NCAPH: variants seen among roughly 807,000 people sequenced by gnomAD.
NCAPH encodes the protein non-SMC condensin I complex subunit H, also known as condensin complex subunit 2.
NCAPH carries 38 observed loss-of-function variants against 85.5 expected under a neutral mutation model. The observed-to-expected ratio is 0.44, with a 90% CI of 0.34 to 0.58. The LOEUF (loss-of-function observed/expected upper bound fraction) is 0.58, where lower values mean the gene tolerates loss of function less well. NCAPH is among the 20% of genes least tolerant of loss of function. The pLI is 0.01. For missense variants in NCAPH, 789 were observed against 916.6 expected, an observed-to-expected ratio of 0.86 and a Z score of 1.80; for synonymous variants, 301 against 335.1, an observed-to-expected ratio of 0.90 and a Z score of 1.11.
At position 96,341,762 on chromosome 2, in the gene NCAPH, C is replaced by T. The variant is rs774021673; in HGVS notation, c.140C>T (p.Pro47Leu). 2 of 1,614,206 alleles carry T rather than the reference C, an allele frequency of 1.2e-6. No individual in the cohort carries two copies. Among genetic ancestry groups the T allele is most frequent in the Non-Finnish European group, 1.7e-6 (2 of 1,180,036 alleles). ...CCCAGGAAGGCGCCTCTCAATATTC[C>T]TGGCACCCCAGTCCTCGAAGACTTT... is the stretch of plus-strand genomic sequence containing the variant. ...PLPRKAPLNI[P>L]GTPVLEDFPQ... The change falls in exon 2 of 18, where the codon CCT (proline) becomes CTT (leucine). Residue 47 changes from proline (P) to leucine (L), a missense_variant. Pro to Leu is a moderately conservative substitution (Grantham distance 98, BLOSUM62 -3). Transcript: ENST00000240423.
Position 96,354,912 on chromosome 2 carries a change from A to T in NCAPH, c.1208+524A>T, listed in dbSNP as rs191733701. ...TACCACGTGCATTTTGGTAGCAGAG[A>T]GCATGCTCCCTTTGTACACATTGCT... is the stretch of plus-strand genomic sequence containing the variant. On this transcript the variant is annotated intron_variant, in intron 9 of 17. Transcript: ENST00000240423. Among the ~76,000 whole-genome samples the T allele has an allele frequency of 7.2e-5, 11 of 152,272 alleles. No homozygotes were observed. The East Asian group carries it at 1.7e-3, about 24-fold the overall frequency.
Position 96,342,084 on chromosome 2 carries a change from A to G in NCAPH, c.307A>G (p.Thr103Ala), listed in dbSNP as rs546617667. The G allele has an allele frequency of 1.2e-5, 19 of 1,613,176 alleles. No individual in the cohort carries two copies. In the South Asian group the frequency reaches 1.9e-4, roughly 16 times the overall value. Residue 103 changes from threonine to alanine, a missense_variant, in exon 3 of 18, where the codon ACA (threonine) becomes GCA (alanine). Physicochemically the swap from Thr to Ala is moderately conservative, Grantham distance 58. Coordinates refer to ENST00000240423, the MANE Select transcript of NCAPH (RefSeq NM_015341.5). The part of the protein sequence containing the change: ...IDISATIPKF[T>A]NTQITEHYST... ...CATTTCAGCTACTATCCCCAAGTTT[A>G]CAAACACGCAGATTACGGAACATTA...
chr2:96,371,101 G>A (rs1573100258), intron 17 of NCAPH, among the ~76,000 whole-genome samples: 1 of 152,294 alleles, frequency 6.6e-6, no homozygotes, highest in East Asian at 1.9e-4. Flanking sequence ...TATTATCATT[G>A]TTCTGACAAG....
intron 15 of NCAPH, 60 bp downstream of exon 15, chr2:96,367,433 C>T (rs2064715799): frequency 3.1e-6 from 4 of 1,288,580 alleles, no homozygotes; most frequent in Non-Finnish European, 4.5e-6. Context: ...TGGTTGATGT[C>T]TACAGCTGAA....
chr2:96,343,612 C>A (rs1471151104), intron 5 of NCAPH, among the ~76,000 whole-genome samples: 1 of 152,008 alleles, frequency 6.6e-6, no homozygotes, highest in Admixed American at 6.6e-5. Context: ...GAAGCCAAAT[C>A]TAATAGTTTG....
intron 15 of NCAPH, among the ~76,000 whole-genome samples, chr2:96,367,829 T>C (rs990130444): frequency 2.0e-4 from 31 of 152,234 alleles, no homozygotes; most frequent in African/African-American, 7.2e-4. Flanking sequence ...GATGCTACTT[T>C]AAAACAGCAG....
chr2:96,348,264 A>G (rs2064388210), intron 6 of NCAPH, among the ~76,000 whole-genome samples: 1 of 145,306 alleles, frequency 6.9e-6, no homozygotes, highest in Non-Finnish European at 1.5e-5. Flanking sequence ...ATCTCAGCTC[A>G]CTGCAAGCTC....
intron 13 of NCAPH, 85 bp downstream of exon 13, chr2:96,364,676 G>T: frequency 1.0e-6 from 1 of 984,464 alleles, no homozygotes. Flanking sequence ...TTTATATGGT[G>T]GGAGACTGTT....
chr2:96,352,139 C>A, intron 7 of NCAPH, 119 bp downstream of exon 7: 2 of 1,062,490 alleles, frequency 1.9e-6, no homozygotes, highest in Non-Finnish European at 2.7e-6. Context: ...CCAGAAGTTT[C>A]CTCTGGAATG....
chr2:96,335,785 T>C lies in NCAPH; in HGVS notation c.-45T>C. 1 of 1,469,582 alleles carries C rather than the reference T, an allele frequency of 6.8e-7. No individual in the cohort carries two copies. Among genetic ancestry groups the C allele is most frequent in the Non-Finnish European group, 9.0e-7 (1 of 1,110,476 alleles). 91.0% of individuals were successfully genotyped at this position (1,469,582 alleles called of 1,614,324 possible). ...GCGGCCGTTACGGCGCTCAGGCGTCTCGACGCGCGCGATTTAAAACCAGCT... is the reference window on the plus strand; with the variant it reads ...GCGGCCGTTACGGCGCTCAGGCGTCCCGACGCGCGCGATTTAAAACCAGCT... On this transcript the variant is annotated 5_prime_UTR_variant, in exon 1 of 18. Coordinates refer to ENST00000240423, the MANE Select transcript of NCAPH (RefSeq NM_015341.5).
chr2:96,375,525 G>A lies in NCAPH; in HGVS notation c.*2174G>A, dbSNP rs1037166684. On this transcript the variant is annotated 3_prime_UTR_variant, in exon 18 of 18. Coordinates refer to ENST00000240423, the MANE Select transcript of NCAPH (RefSeq NM_015341.5). ...ATGAGAAGGCACCATCTGTGAGCAA[G>A]GAGCCCCTCACCAGACAGCAAATCT... Among the ~76,000 whole-genome samples, 3 of 152,160 alleles carry A rather than the reference G, an allele frequency of 2.0e-5. No homozygotes were observed. The highest frequency in any genetic ancestry group is 7.2e-5 in the African/African-American group (3 of 41,444).
chr2:96,361,652 C>G (rs2064611158), intron 12 of NCAPH, among the ~76,000 whole-genome samples: 1 of 151,434 alleles, frequency 6.6e-6, no homozygotes, highest in South Asian at 2.1e-4. Context: ...TTCACATCCT[C>G]TGCTTACTTG....
At chr2:96,337,060 C>G (rs1425010168) in intron 1 of NCAPH, among the ~76,000 whole-genome samples, 3 of 152,032 alleles carry the variant, frequency 2.0e-5, no homozygotes, top group African/African-American at 7.3e-5. Context: ...AGGAACCAGA[C>G]CAGAGTGGGT....
chr2:96,358,997 C>A, intron 9 of NCAPH, 48 bp from the exon 10 acceptor site: 1 of 1,563,090 alleles, frequency 6.4e-7, no homozygotes, highest in Non-Finnish European at 8.7e-7. Flanking sequence ...TATGTAAATA[C>A]AGCATTATAA....
chr2:96,343,448 T>TAAAACCATA, intron 5 of NCAPH, 144 bp downstream of exon 5: 6 of 926,380 alleles, frequency 6.5e-6, no homozygotes, highest in Non-Finnish European at 9.0e-6. Flanking sequence ...ATATATGGTC[T>TAAAACCATA]TACGTGAGAA....
intron 6 of NCAPH, among the ~76,000 whole-genome samples, chr2:96,349,333 T>A (rs1313218530): frequency 2.6e-5 from 4 of 152,150 alleles, no homozygotes; most frequent in Non-Finnish European, 5.9e-5. Context: ...AGGGATGGAT[T>A]GTCACAAACA....
chr2:96,363,266 G>A (rs2064651906), intron 12 of NCAPH, among the ~76,000 whole-genome samples: 1 of 152,192 alleles, frequency 6.6e-6, no homozygotes, highest in Non-Finnish European at 1.5e-5. Context: ...ATAGACTCCA[G>A]CATAGTATAA....
rs527636134 is a variant in NCAPH at position 96,365,558 on chromosome 2, G to A, written c.1699-318G>A. 5.3e-5 allele frequency among the ~76,000 whole-genome samples: 8 copies of A among 152,176 alleles called. No individual in the cohort carries two copies. The South Asian group carries it at 1.0e-3, about 20-fold the overall frequency. ...GGTGATATGTTCAGGTCATATCTCC[G>A]GTATTTGAGGAATGTTTCTGTAAAA... On this transcript the variant is annotated intron_variant, in intron 13 of 17. Coordinates refer to ENST00000240423, the MANE Select transcript of NCAPH (RefSeq NM_015341.5).
At chr2:96,348,664 A>AT (rs1388151689) in intron 6 of NCAPH, among the ~76,000 whole-genome samples, 27 of 145,958 alleles carry the variant, frequency 1.8e-4, no homozygotes, top group Admixed American at 2.7e-4. Context: ...TATTATTATT[A>AT]TTTTTTTTTG....
Sources: gnomAD v4.1 joint callset for allele counts (sites outside exome capture counted in the v4.1 genomes callset) on GRCh38, gnomAD v4.1.1 for gene constraint, MANE v1.5 for transcripts, NCBI Gene and HGNC (gene_info 2026-07-23, HGNC 2026-07-21) for gene names.